Variants in RDX observed in about 807,000 individuals in gnomAD.
The protein encoded by RDX is deafness, autosomal recessive 24.
Under a neutral mutation model 83.7 loss-of-function variants are expected in RDX, and 32 were observed. The observed-to-expected ratio is 0.38, with a 90% CI of 0.29 to 0.51. RDX has a LOEUF of 0.51. Ranked by LOEUF, RDX falls within the 20% of genes least tolerant of loss-of-function variation. The pLI, the probability that RDX is intolerant of heterozygous loss-of-function variation, is 0.87. For synonymous variants in RDX, 229 were observed against 222.7 expected, an observed-to-expected ratio of 1.03 and a Z score of -0.25; for missense variants, 600 against 689.9, an observed-to-expected ratio of 0.87 and a Z score of 1.46.
Position 110,198,849 on chromosome 11 carries a change from G to A in RDX, c.*31+732C>T, listed in dbSNP as rs190480141. Among the ~76,000 whole-genome samples, 1,187 of 148,782 alleles carry A rather than the reference G, an allele frequency of 8.0e-3. 14 individuals are homozygous for A. Among genetic ancestry groups the A allele is most frequent in the South Asian group, 0.029 (137 of 4,718 alleles). ...TTTTTTTTTTTTGAGACGGAGTCTC[G>A]CTGTCATCCAGGATGGAGTGCAGTG... On this transcript the variant is annotated intron_variant, in intron 15 of 15. Coordinates refer to the RDX transcript ENST00000528498.
chr11:110,266,518 A>C (rs189345977), intron 3 of RDX, among the ~76,000 whole-genome samples: 1 of 151,072 alleles, frequency 6.6e-6, no homozygotes, highest in Admixed American at 6.5e-5. Flanking sequence ...AGAAAGATTC[A>C]ATATCAGTTC....
intron 14 of RDX, among the ~76,000 whole-genome samples, chr11:110,218,719 A>G (rs576130392): frequency 2.4e-4 from 37 of 152,316 alleles, no homozygotes; most frequent in African/African-American, 7.9e-4. Flanking sequence ...ATATTTGCAT[A>G]TGCAGTTACT....
intron 1 of RDX, among the ~76,000 whole-genome samples, chr11:110,291,068 G>A (rs1046530999): frequency 5.3e-5 from 8 of 152,198 alleles, no homozygotes; most frequent in Admixed American, 2.0e-4. Context: ...AGGGCTGGGT[G>A]CAGTTGCCTG....
chr11:110,203,803 CCT>C (rs1399817300), intron 14 of RDX, among the ~76,000 whole-genome samples: 1 of 151,920 alleles, frequency 6.6e-6, no homozygotes, highest in African/African-American at 2.4e-5. Context: ...AATTTAAAAC[CCT>C]CTTTTTATTT....
chr11:110,280,688 C>G (rs1184671114), intron 1 of RDX, among the ~76,000 whole-genome samples: 2 of 152,178 alleles, frequency 1.3e-5, no homozygotes, highest in African/African-American at 4.8e-5. Context: ...ATCTGTAATC[C>G]CAACACTTTA....
At chr11:110,254,487 T>G (rs1283804287) in intron 8 of RDX, among the ~76,000 whole-genome samples, 1 of 152,092 alleles carries the variant, frequency 6.6e-6, no homozygotes, top group Non-Finnish European at 1.5e-5. Flanking sequence ...ATTGTTCTTT[T>G]TTTTTTTTGA....
chr11:110,179,858 G>A (rs1011730256), intron 15 of RDX: 5 of 426,358 alleles, frequency 1.2e-5, no homozygotes, highest in African/African-American at 1.1e-4. Context: ...AGGCCTCCCT[G>A]CAGTGCTCTG....
At chr11:110,207,621 T>A (rs919789643) in intron 14 of RDX, among the ~76,000 whole-genome samples, 1 of 147,220 alleles carries the variant, frequency 6.8e-6, no homozygotes, top group Non-Finnish European at 1.5e-5. Context: ...TTTTTTACCT[T>A]TTTTTTTTAA....
Position 110,230,416 on chromosome 11 carries a change from GAATT to G in RDX, c.*1449_*1452del, listed in dbSNP as rs1484540337. Reference sequence around the variant, plus strand: ...ACTAAAATTATAATTTCTAAAATAAGAATTAACAAACCAAATTTAAGTATTTTTA... The same window carrying G: ...ACTAAAATTATAATTTCTAAAATAAGAACAAACCAAATTTAAGTATTTTTA... On this transcript the variant is annotated 3_prime_UTR_variant, in exon 14 of 14. Transcript: ENST00000645495. 6.6e-6 allele frequency: 1 copy of G among 151,974 alleles called. No homozygotes were observed. The highest frequency in any genetic ancestry group is 2.4e-5 in the African/African-American group (1 of 41,392). The allele number at this position is 151,974 out of a possible 1,614,324, so 9.4% of individuals were successfully genotyped here.
intron 8 of RDX, among the ~76,000 whole-genome samples, chr11:110,254,668 G>GTTT (rs1859473781): frequency 6.6e-6 from 1 of 152,006 alleles, no homozygotes; most frequent in Non-Finnish European, 1.5e-5. Context: ...TAGAGATGAA[G>GTTT]TTTCACCACG....
chr11:110,259,627 G>A (rs1859720377), intron 5 of RDX, among the ~76,000 whole-genome samples: 1 of 152,128 alleles, frequency 6.6e-6, no homozygotes. Flanking sequence ...TTGGGGAGAA[G>A]AGTTTCATCT....
intron 2 of RDX, among the ~76,000 whole-genome samples, chr11:110,277,571 C>G (rs1044966669): frequency 1.3e-5 from 2 of 152,102 alleles, no homozygotes; most frequent in Non-Finnish European, 1.5e-5. Flanking sequence ...ACTCCCGCCT[C>G]AGTCTCCCAA....
intron 10 of RDX, chr11:110,237,914 GGC>G (rs1864929058): frequency 4.4e-6 from 2 of 451,614 alleles, no homozygotes; most frequent in East Asian, 9.5e-5. Flanking sequence ...TAGGACTACA[GGC>G]GCTATACCTC....
chr11:110,187,036 G>C (rs1400317291), intron 15 of RDX, among the ~76,000 whole-genome samples: 1 of 151,982 alleles, frequency 6.6e-6, no homozygotes, highest in Non-Finnish European at 1.5e-5. Flanking sequence ...GTGGGAGGAG[G>C]GCTGCCACGG....
At position 110,203,952 on chromosome 11, in the gene RDX, G is replaced by A. The variant is rs537358875; in HGVS notation, c.1749-4274C>T. ...AGCTATTCAGGGGGCTGAGGTGGGA[G>A]GATCACTTGAGCCTGGGAAATGGAG... On this transcript the variant is annotated intron_variant, in intron 14 of 15. Coordinates refer to the RDX transcript ENST00000528498. Among the ~76,000 whole-genome samples the A allele has an allele frequency of 4.6e-5, 7 of 152,294 alleles. No homozygotes were observed. In the East Asian group the frequency reaches 9.6e-4, roughly 21 times the overall value.
chr11:110,252,290 GTAAC>G (rs1265745950), intron 9 of RDX, among the ~76,000 whole-genome samples: 1 of 152,096 alleles, frequency 6.6e-6, no homozygotes, highest in Non-Finnish European at 1.5e-5. Context: ...AAGCCTTAGA[GTAAC>G]TAAAATATAG....
chr11:110,255,317 A>C lies in RDX; in HGVS notation c.767T>G (p.Val256Gly), dbSNP rs745866179. 1.3e-6 allele frequency: 2 copies of C among 1,588,826 alleles called. No individual in the cohort carries two copies. Among genetic ancestry groups the C allele is most frequent in the Admixed American group, 3.3e-5 (2 of 59,876 alleles). The change falls in exon 8 of 14, where the codon GTT becomes GGT. Residue 256 changes from valine to glycine, a missense_variant. By Grantham distance (109) the Val-to-Gly change is moderately radical. Transcript: ENST00000645495. ...TGCCTTTTTGTCGATTGGCTTTATA[A>C]CAAATTTTTTGTCATTAAATGAAAT... ...RNISFNDKKF[V>G]IKPIDKKAPD...
chr11:110,237,872 A>T, intron 10 of RDX: 1 of 603,152 alleles, frequency 1.7e-6, no homozygotes, highest in Non-Finnish European at 3.1e-6. Context: ...CATGGGCTCG[A>T]GCAATCCTCC....
chr11:110,259,454 T>G (rs768179986), intron 5 of RDX, among the ~76,000 whole-genome samples: 1 of 152,234 alleles, frequency 6.6e-6, no homozygotes, highest in Non-Finnish European at 1.5e-5. Context: ...AAATCTTGCA[T>G]GAAACCCAAG....
Sources: gnomAD v4.1 joint callset for allele counts (sites outside exome capture counted in the v4.1 genomes callset) on GRCh38, gnomAD v4.1.1 for gene constraint, MANE v1.5 for transcripts, NCBI Gene and HGNC (gene_info 2026-07-23, HGNC 2026-07-21) for gene names.